Variants in CCDC88C observed in about 807,000 individuals in gnomAD.
CCDC88C encodes coiled-coil and HOOK domain protein 88C.
CCDC88C carries 131 observed loss-of-function variants against 198.8 expected under a neutral mutation model. The ratio of observed to expected loss-of-function variants is 0.66; its 90% CI spans 0.57 to 0.76. The LOEUF (loss-of-function observed/expected upper bound fraction) is 0.76, where lower values mean the gene tolerates loss of function less well. Among genes scored for constraint, CCDC88C ranks in the 30% least tolerant of loss-of-function variants. CCDC88C has a pLI of 0.00. For missense variants in CCDC88C, 2,553 were observed against 2,631.6 expected, an observed-to-expected ratio of 0.97 and a Z score of 0.65; for synonymous variants, 1,166 against 1,114.7, an observed-to-expected ratio of 1.05 and a Z score of -0.92.
chr14:91,403,731 A>C (rs1886338539), intron 3 of CCDC88C, among the ~76,000 whole-genome samples: 1 of 152,206 alleles, frequency 6.6e-6, no homozygotes, highest in Admixed American at 6.5e-5. Context: ...CAAGTTTGAG[A>C]CCAGCCTGGC....
Position 91,339,661 on chromosome 14 carries a change from A to G in CCDC88C, c.625-199T>C, listed in dbSNP as rs567453021. Among the ~76,000 whole-genome samples the G allele has an allele frequency of 3.3e-5, 5 of 152,304 alleles. No homozygotes were observed. The highest frequency in any genetic ancestry group is 1.2e-4 in the African/African-American group (5 of 41,576). ...TAGTGAAACAAAAGGGAGTGTACGA[A>G]GGAGGAGGGCCCCAAGCTCCGCGTC... On this transcript the variant is annotated intron_variant, in intron 7 of 29. Coordinates refer to ENST00000389857, the MANE Select transcript of CCDC88C (RefSeq NM_001080414.4). This position sits in a 1 kb window ranked among gnomAD's most constrained non-coding sequence, Gnocchi z 5.8.
chr14:91,293,159 A>ATCCTCACCT (rs1890751615), intron 23 of CCDC88C, among the ~76,000 whole-genome samples: 1 of 137,996 alleles, frequency 7.2e-6, no homozygotes. Context: ...CACCTGCCAT[A>ATCCTCACCT]GCCCACCTTC....
chr14:91,407,433 T>G (rs1301992057), intron 3 of CCDC88C, among the ~76,000 whole-genome samples: 1 of 152,170 alleles, frequency 6.6e-6, no homozygotes, highest in Non-Finnish European at 1.5e-5. Flanking sequence ...GGAAGCCAAG[T>G]GCGAGGCACA....
At position 91,305,873 on chromosome 14, in the gene CCDC88C, C is replaced by T. The variant is rs374855208; in HGVS notation, c.3249G>A (p.Leu1083=). 148 of 1,613,792 alleles carry T rather than the reference C, an allele frequency of 9.2e-5. No individual in the cohort carries two copies. The highest frequency in any genetic ancestry group is 1.1e-4 in the Non-Finnish European group (135 of 1,179,894). Residue 1083 remains leucine, a synonymous_variant, in exon 19 of 30, where the codon CTG becomes CTA. Transcript: ENST00000389857. ...TGCTGAAGGTCACGTTCTGGGTCTC[C>T]AGGTGCTGCAGCTGTTCCTTTAGCA... The part of the protein sequence containing the change: ...KQLLKEQLQH[L]ETQNVTFSSQ...
intron 13 of CCDC88C, among the ~76,000 whole-genome samples, chr14:91,317,311 G>A (rs570891389): frequency 6.6e-6 from 1 of 152,360 alleles, no homozygotes; most frequent in East Asian, 1.9e-4. Context: ...GAGATGAAGA[G>A]CCAGGTTGGC....
At chr14:91,301,276 G>T (rs533637588) in intron 20 of CCDC88C, among the ~76,000 whole-genome samples, 4 of 152,302 alleles carry the variant, frequency 2.6e-5, no homozygotes, top group Middle Eastern at 3.4e-3. Flanking sequence ...CCCTGCTGCA[G>T]ACACAGCAAG....
Position 91,284,626 on chromosome 14 carries a change from G to A in CCDC88C, c.4442-1109C>T, listed in dbSNP as rs1006550414. On this transcript the variant is annotated intron_variant, in intron 25 of 29. Transcript: ENST00000389857. This position sits in a 1 kb window ranked among gnomAD's most constrained non-coding sequence, Gnocchi z 4.1. ...GCAGGTCTGGAGGACCCGGCACCAC[G>A]GCAGCCCAGGGTTCCCAGAGCGAGG... Among the ~76,000 whole-genome samples the A allele has an allele frequency of 8.5e-5, 13 of 152,202 alleles. No individual in the cohort carries two copies. Among genetic ancestry groups the A allele is most frequent in the Non-Finnish European group, 1.8e-4 (12 of 68,038 alleles).
intron 21 of CCDC88C, among the ~76,000 whole-genome samples, chr14:91,299,090 T>C (rs1195419139): frequency 1.3e-5 from 2 of 152,198 alleles, no homozygotes; most frequent in African/African-American, 2.4e-5. Flanking sequence ...GGAAAAAATA[T>C]AGAATTAGGT....
chr14:91,274,864 G>C (rs1156790806), intron 29 of CCDC88C, among the ~76,000 whole-genome samples: 1 of 152,186 alleles, frequency 6.6e-6, no homozygotes, highest in Non-Finnish European at 1.5e-5. Context: ...GTCCAGAGAG[G>C]CAGACCCAGA....
At chr14:91,364,962 T>C (rs934605720) in intron 3 of CCDC88C, among the ~76,000 whole-genome samples, 1 of 152,136 alleles carries the variant, frequency 6.6e-6, no homozygotes, top group African/African-American at 2.4e-5. Flanking sequence ...TCATAGGCAA[T>C]GAAGCTCTGA....
intron 12 of CCDC88C, 106 bp from the exon 13 acceptor site, chr14:91,321,410 G>C: frequency 8.3e-6 from 10 of 1,210,356 alleles, no homozygotes; most frequent in Non-Finnish European, 1.2e-5. Context: ...GGGTCTAAGG[G>C]GCTGGGGAGG....
At chr14:91,413,802 C>T (rs978598058) in intron 2 of CCDC88C, among the ~76,000 whole-genome samples, 5 of 152,182 alleles carry the variant, frequency 3.3e-5, no homozygotes, top group African/African-American at 1.2e-4. Flanking sequence ...CCACAAGGCT[C>T]CCAGGTGTTA....
intron 3 of CCDC88C, among the ~76,000 whole-genome samples, chr14:91,362,316 C>G (rs575336591): frequency 6.6e-6 from 1 of 152,126 alleles, no homozygotes; most frequent in African/African-American, 2.4e-5. Context: ...GCAAACCAGC[C>G]ACAATCCCCT....
At position 91,339,730 on chromosome 14, in the gene CCDC88C, T is replaced by C. The variant is rs1043139182; in HGVS notation, c.624+154A>G. On this transcript the variant is annotated intron_variant, in intron 7 of 29. Coordinates refer to ENST00000389857, the MANE Select transcript of CCDC88C (RefSeq NM_001080414.4). The surrounding 1 kb of genome is among the most constrained non-coding windows in gnomAD (Gnocchi z 5.8). The stretch of plus-strand genomic sequence containing the variant: ...CCACAGGCCCGAGGTGACCATGCAC[T>C]GCAGGGGCCGTAACCAGGGAAAGCA... Among the ~76,000 whole-genome samples, 1 of 152,162 alleles carries C rather than the reference T, an allele frequency of 6.6e-6. No homozygotes were observed. Among genetic ancestry groups the C allele is most frequent in the Admixed American group, 6.5e-5 (1 of 15,284 alleles).
chr14:91,278,107 G>A lies in CCDC88C; in HGVS notation c.4873C>T (p.Arg1625Cys), dbSNP rs1258547045. Residue 1625 changes from arginine (R) to cysteine (C), a missense_variant, in exon 29 of 30, where the codon CGC becomes TGC. By Grantham distance (180) the Arg-to-Cys change is radical. This residue lies in a region of CCDC88C where 1,293 missense variants were observed against 1,219.6 expected (regional missense o/e 1.06). Transcript: ENST00000389857. ...TLPREASTPG[R>C]NALGRHEYPL... ...TACTCGTGGCGGCCGAGGGCGTTGC[G>A]TCCCGGTGTGCTGGCTTCCCGGGGC... 6 of 1,612,932 alleles carry A rather than the reference G, an allele frequency of 3.7e-6. No individual in the cohort carries two copies. The highest frequency in any genetic ancestry group is 1.1e-5 in the South Asian group (1 of 90,910).
At chr14:91,393,157 C>A (rs60137749) in intron 3 of CCDC88C, among the ~76,000 whole-genome samples, 1 of 151,926 alleles carries the variant, frequency 6.6e-6, no homozygotes, top group African/African-American at 2.4e-5. Flanking sequence ...GTGCAGTCAT[C>A]ACCCCCATCT....
Position 91,284,262 on chromosome 14 carries a change from G to A in CCDC88C, c.4442-745C>T, listed in dbSNP as rs1363390931. Among the ~76,000 whole-genome samples the A allele has an allele frequency of 1.3e-5, 2 of 152,170 alleles. No homozygotes were observed. The highest frequency in any genetic ancestry group is 2.9e-5 in the Non-Finnish European group (2 of 68,032). ...GAGCTGACAAAGCACTTTGCAGAGC[G>A]TCCCACTCCGTGTGCAGAGCCAGGA... On this transcript the variant is annotated intron_variant, in intron 25 of 29. Coordinates refer to ENST00000389857, the MANE Select transcript of CCDC88C (RefSeq NM_001080414.4). This position sits in a 1 kb window ranked among gnomAD's most constrained non-coding sequence, Gnocchi z 4.1.
At position 91,352,244 on chromosome 14, in the gene CCDC88C, G is replaced by A. The variant is rs1227629553; in HGVS notation, c.340+7398C>T. Among the ~76,000 whole-genome samples, 2 of 152,220 alleles carry A rather than the reference G, an allele frequency of 1.3e-5. No individual in the cohort carries two copies. Among genetic ancestry groups the A allele is most frequent in the African/African-American group, 4.8e-5 (2 of 41,450 alleles). On this transcript the variant is annotated intron_variant, in intron 4 of 29. Transcript: ENST00000389857. The surrounding 1 kb of genome is among the most constrained non-coding windows in gnomAD (Gnocchi z 4.2). ...GCGTTCTCTGTGTGCCTGGGCCATCGCTAGGAAGTTTACTAACAAAGTCTG... is the reference window on the plus strand; with the variant it reads ...GCGTTCTCTGTGTGCCTGGGCCATCACTAGGAAGTTTACTAACAAAGTCTG...
rs772470814 is a variant in CCDC88C, at chr14:91,307,276, C to G, written c.3007-50G>C. 4.9e-5 allele frequency: 78 copies of G among 1,579,424 alleles called. No individual in the cohort carries two copies. The African/African-American group carries it at 9.4e-4, about 19-fold the overall frequency. On this transcript the variant is annotated intron_variant, in intron 17 of 29. Coordinates refer to ENST00000389857, the MANE Select transcript of CCDC88C (RefSeq NM_001080414.4). ...AGGCTTTAGGCGGAAGCAGCCTGGCCTGGAGCCCCGAGTGAGTGGCTGAGG... is the reference window on the plus strand; with the variant it reads ...AGGCTTTAGGCGGAAGCAGCCTGGCGTGGAGCCCCGAGTGAGTGGCTGAGG...
Sources: allele counts gnomAD v4.1 joint callset (sites outside exome capture counted in the v4.1 genomes callset), GRCh38; gene constraint gnomAD v4.1.1; regional missense constraint gnomAD v4.1.1; non-coding constraint Gnocchi (gnomAD v3.1); transcripts MANE v1.5; gene names NCBI Gene and HGNC (gene_info 2026-07-23, HGNC 2026-07-21).